Variants in NINL observed in about 807,000 individuals in gnomAD.
NINL encodes the protein ninein-like protein.
In NINL, 153 loss-of-function variants were observed where a neutral mutation model predicts 160.3. The observed-to-expected ratio is 0.95, with a 90% CI of 0.84 to 1.09. NINL has a LOEUF of 1.09. Among genes scored for constraint, NINL ranks in the 50% least tolerant of loss-of-function variants. NINL has a pLI of 0.00. For synonymous variants in NINL, 800 were observed against 734.8 expected, an observed-to-expected ratio of 1.09 and a Z score of -1.43; for missense variants, 1,829 against 1,764.0, an observed-to-expected ratio of 1.04 and a Z score of -0.66.
chr20:25,569,290 T>C (rs1305172155), intron 1 of NINL, among the ~76,000 whole-genome samples: 1 of 151,022 alleles, frequency 6.6e-6, no homozygotes, highest in Non-Finnish European at 1.5e-5. Flanking sequence ...AATAGAAAGA[T>C]ACAACAGGAA....
intron 1 of NINL, among the ~76,000 whole-genome samples, chr20:25,542,297 C>T (rs1482919119): frequency 6.6e-6 from 1 of 152,152 alleles, no homozygotes; most frequent in African/African-American, 2.4e-5. Flanking sequence ...TTTGTCAGGT[C>T]ACTGGCTGAC....
At chr20:25,548,229 C>T (rs2064759239) in intron 1 of NINL, among the ~76,000 whole-genome samples, 1 of 152,194 alleles carries the variant, frequency 6.6e-6, no homozygotes, top group Non-Finnish European at 1.5e-5. Context: ...TGCTTATGCT[C>T]TCTGGGCCTG....
intron 1 of NINL, among the ~76,000 whole-genome samples, chr20:25,584,328 G>C (rs2065204622): frequency 6.6e-6 from 1 of 151,558 alleles, no homozygotes; most frequent in African/African-American, 2.4e-5. Context: ...CAAAAAATTA[G>C]CTGGGCGTGT....
At chr20:25,512,061 G>A (rs778875910) in intron 4 of NINL, among the ~76,000 whole-genome samples, 1 of 152,170 alleles carries the variant, frequency 6.6e-6, no homozygotes, top group Non-Finnish European at 1.5e-5. Flanking sequence ...GAAGCCCCAC[G>A]AGACTCTGGC....
At chr20:25,562,023 G>C (rs1231024670) in intron 1 of NINL, among the ~76,000 whole-genome samples, 1 of 146,256 alleles carries the variant, frequency 6.8e-6, no homozygotes, top group South Asian at 2.2e-4. Context: ...GCCCCTACTG[G>C]GAAGTGAGGA....
intron 1 of NINL, among the ~76,000 whole-genome samples, chr20:25,545,047 C>G (rs542864928): frequency 2.0e-5 from 3 of 152,340 alleles, no homozygotes; most frequent in African/African-American, 7.2e-5. Context: ...CTTTAGGGAG[C>G]ATCCAGGAAA....
chr20:25,477,174 G>C, intron 16 of NINL, 85 bp from the exon 17 acceptor site: 3 of 1,251,242 alleles, frequency 2.4e-6, no homozygotes, highest in South Asian at 3.0e-5. Context: ...CTGTTGCAAC[G>C]GCTGCGACCT....
intron 1 of NINL, among the ~76,000 whole-genome samples, chr20:25,561,840 C>T (rs2064943429): frequency 6.6e-6 from 1 of 151,968 alleles, no homozygotes. Context: ...CGCCCGGCTG[C>T]CACCCCGTCT....
chr20:25,528,474 G>T (rs1012627673), intron 1 of NINL, among the ~76,000 whole-genome samples: 23 of 151,962 alleles, frequency 1.5e-4, no homozygotes, highest in African/African-American at 5.6e-4. Context: ...ATTCTACCAG[G>T]AAGCTTCTGC....
At chr20:25,472,398 C>T (rs1214251114) in intron 17 of NINL, among the ~76,000 whole-genome samples, 2 of 135,768 alleles carry the variant, frequency 1.5e-5, no homozygotes, top group Non-Finnish European at 3.1e-5. Context: ...CGGAGTTTTG[C>T]TCTTGTTGCC....
In NINL at chr20:25,512,808, TGGGGTGGGAGAGGGG is replaced by T. The variant is rs770048705; in HGVS notation, c.450+11_450+25del. 1.0e-5 allele frequency: 16 copies of T among 1,585,728 alleles called. No individual in the cohort carries two copies. The highest frequency in any genetic ancestry group is 1.1e-5 in the Non-Finnish European group (13 of 1,164,172). On this transcript the variant is annotated intron_variant, in intron 4 of 23. Coordinates refer to ENST00000278886, the MANE Select transcript of NINL (RefSeq NM_025176.6). ...TTTGTTATTCCCAACACTGGGCAGC[TGGGGTGGGAGAGGGG>T]CCTGACCCACCTCCACGCTCTCCAG...
chr20:25,572,609 T>A (rs984563209), intron 1 of NINL, among the ~76,000 whole-genome samples: 25 of 152,294 alleles, frequency 1.6e-4, no homozygotes, highest in African/African-American at 5.5e-4. Context: ...CTAAGTGAAC[T>A]CACAGTGAGT....
At chr20:25,540,048 T>C (rs1463083880) in intron 1 of NINL, 2 of 1,288,240 alleles carry the variant, frequency 1.6e-6, no homozygotes, top group South Asian at 2.5e-5. Context: ...CCTCTTCAGT[T>C]TCTTCTTCAT....
At chr20:25,540,373 T>G (rs561590231) in intron 1 of NINL, among the ~76,000 whole-genome samples, 55 of 152,304 alleles carry the variant, frequency 3.6e-4, no homozygotes, top group African/African-American at 1.3e-3. Flanking sequence ...CAGAGACATA[T>G]GACGTTGTCA....
At chr20:25,511,557 A>G (rs973651874) in intron 4 of NINL, among the ~76,000 whole-genome samples, 1 of 152,050 alleles carries the variant, frequency 6.6e-6, no homozygotes, top group African/African-American at 2.4e-5. Context: ...ATAAATACGC[A>G]ACCCCATTTT....
chr20:25,531,615 C>T (rs1003687691), intron 1 of NINL, among the ~76,000 whole-genome samples: 15 of 152,170 alleles, frequency 9.9e-5, no homozygotes, highest in African/African-American at 3.1e-4. Flanking sequence ...CCTGACTTCC[C>T]GCAACAGGGG....
chr20:25,483,218 C>T (rs1258745507), intron 13 of NINL, among the ~76,000 whole-genome samples: 2 of 151,726 alleles, frequency 1.3e-5, no homozygotes, highest in African/African-American at 4.8e-5. Flanking sequence ...CCTGTAATCC[C>T]AGCTACTCAG....
At chr20:25,498,920 AAAC>A (rs1406260150) in intron 8 of NINL, 8 of 985,332 alleles carry the variant, frequency 8.1e-6, no homozygotes, top group Non-Finnish European at 9.6e-6. Flanking sequence ...CATTTTACTG[AAAC>A]AACAAAAAAT....
At chr20:25,490,729 G>A (rs1362219837) in intron 11 of NINL, among the ~76,000 whole-genome samples, 1 of 152,030 alleles carries the variant, frequency 6.6e-6, no homozygotes, top group Admixed American at 6.5e-5. Flanking sequence ...TAGACGGTGG[G>A]GGACTGCAGT....
Sources: allele counts gnomAD v4.1 joint callset (sites outside exome capture counted in the v4.1 genomes callset), GRCh38; gene constraint gnomAD v4.1.1; transcripts MANE v1.5; gene names NCBI Gene and HGNC (gene_info 2026-07-23, HGNC 2026-07-21).